ZFP64: variants seen among roughly 807,000 people sequenced by gnomAD.
ZFP64 encodes zinc finger protein 64.
A neutral mutation model predicts 51.6 loss-of-function variants in ZFP64; 14 were observed. The ratio of observed to expected loss-of-function variants is 0.27; its 90% CI spans 0.18 to 0.42. The LOEUF is 0.42. Among genes scored for constraint, ZFP64 ranks in the 10% least tolerant of loss-of-function variants. ZFP64 has a pLI of 1.00. For missense variants in ZFP64, 754 were observed against 906.8 expected (o/e 0.83, Z 2.16); for synonymous variants, 375 against 361.4 (o/e 1.04, Z -0.43).
At chr20:52,098,598 G>T (rs369415487) in intron 5 of ZFP64, 1 of 1,613,948 alleles carries the variant, frequency 6.2e-7, no homozygotes, top group East Asian at 2.2e-5. Flanking sequence ...CTGAAATTGA[G>T]GCATAGTTTT....
intron 5 of ZFP64, among the ~76,000 whole-genome samples, chr20:52,128,438 C>G (rs1018382212): frequency 6.6e-6 from 1 of 152,110 alleles, no homozygotes; most frequent in Non-Finnish European, 1.5e-5. Context: ...GAATTTGAGA[C>G]CATTATCTAG....
At chr20:52,114,452 A>G (rs1978759708) in intron 5 of ZFP64, among the ~76,000 whole-genome samples, 2 of 152,206 alleles carry the variant, frequency 1.3e-5, no homozygotes. Context: ...GTACAGAGGA[A>G]TCACCCGGGG....
intron 5 of ZFP64, among the ~76,000 whole-genome samples, chr20:52,098,942 C>A (rs2079021655): frequency 6.9e-6 from 1 of 145,820 alleles, no homozygotes; most frequent in African/African-American, 2.6e-5. Context: ...GCAGAGGTTG[C>A]AGTGAGCCGA....
intron 5 of ZFP64, among the ~76,000 whole-genome samples, chr20:52,120,487 C>A (rs6021713): frequency 0.46 from 69,368 of 151,810 alleles, 16,488 homozygotes; most frequent in Admixed American, 0.52. Context: ...GTCACAGACA[C>A]TGTGTGTTTT....
intron 2 of ZFP64, among the ~76,000 whole-genome samples, chr20:52,182,656 CT>C (rs1275039745): frequency 6.6e-6 from 1 of 152,110 alleles, no homozygotes; most frequent in Non-Finnish European, 1.5e-5. Flanking sequence ...AAGATCAAGG[CT>C]GCAGTGAGCC....
chr20:52,179,523 G>A (rs1428709456), intron 2 of ZFP64, among the ~76,000 whole-genome samples: 5 of 152,222 alleles, frequency 3.3e-5, no homozygotes, highest in Non-Finnish European at 5.9e-5. Flanking sequence ...AAATAAGACT[G>A]ATTAGGTCTC....
intron 3 of ZFP64, 124 bp downstream of exon 3, chr20:52,165,740 G>A: frequency 1.5e-6 from 2 of 1,340,896 alleles, no homozygotes; most frequent in Middle Eastern, 2.0e-4. Flanking sequence ...AGGGGGCTCT[G>A]ATTTTTATGC....
chr20:52,175,727 C>G (rs1181122839), intron 2 of ZFP64, among the ~76,000 whole-genome samples: 1 of 152,048 alleles, frequency 6.6e-6, no homozygotes, highest in Non-Finnish European at 1.5e-5. Context: ...GCCTGGAATC[C>G]CAGGCACGTG....
At chr20:52,090,855 AC>A in intron 7 of ZFP64, among the ~76,000 whole-genome samples, 1 of 134,010 alleles carries the variant, frequency 7.5e-6, no homozygotes, top group South Asian at 2.4e-4. Flanking sequence ...TAATCCCAAC[AC>A]TTTTGAGAGG....
At chr20:52,130,354 C>T (rs1191676382) in intron 5 of ZFP64, among the ~76,000 whole-genome samples, 1 of 152,152 alleles carries the variant, frequency 6.6e-6, no homozygotes, top group African/African-American at 2.4e-5. Context: ...GCTGAGACTA[C>T]AGGAATGTTC....
intron 5 of ZFP64, among the ~76,000 whole-genome samples, chr20:52,120,632 T>TA (rs1325867716): frequency 6.9e-6 from 1 of 143,886 alleles, no homozygotes; most frequent in Non-Finnish European, 1.5e-5. Flanking sequence ...TTTCAAACTT[T>TA]ATCATTTATT....
chr20:52,098,377 T>C (rs1387096158), intron 6 of ZFP64: 32 of 1,593,354 alleles, frequency 2.0e-5, no homozygotes, highest in Middle Eastern at 2.1e-4. Context: ...GAGATTCACG[T>C]AGGGCTTGCA....
At chr20:52,149,418 A>G (rs1980683583), downstream of ZFP64, among the ~76,000 whole-genome samples, 1 of 152,236 alleles carries the variant, frequency 6.6e-6, no homozygotes, top group Non-Finnish European at 1.5e-5. Context: ...TAAAAAAACT[A>G]GGTCTAGTTT....
intron 7 of ZFP64, among the ~76,000 whole-genome samples, chr20:52,092,269 G>C (rs1285864913): frequency 6.6e-6 from 1 of 152,196 alleles, no homozygotes. Flanking sequence ...CCTCTGCATT[G>C]TAAGATGTTT....
Position 52,098,458 on chromosome 20 carries a change from G to A in ZFP64, c.893C>T (p.Thr298Met), listed in dbSNP as rs752950607. Residue 298 changes from threonine (T) to methionine (M), a missense_variant, in exon 6 of 9, where the codon ACG (threonine) becomes ATG (methionine). Physicochemically the swap from Thr to Met is moderately conservative, Grantham distance 81. Coordinates refer to the ZFP64 transcript ENST00000361387. ...CTTACCTGGGTAGCAACAGTTGAAC[G>A]TCCTCTCTCCAAGGGTGGCCATTTG... is the stretch of plus-strand genomic sequence containing the variant. 1.2e-4 allele frequency: 192 copies of A among 1,614,024 alleles called. No homozygotes were observed. Among genetic ancestry groups the A allele is most frequent in the East Asian group, 3.3e-4 (15 of 44,872 alleles).
chr20:52,186,601 CTG>C (rs919535859), intron 2 of ZFP64, among the ~76,000 whole-genome samples: 7 of 148,552 alleles, frequency 4.7e-5, no homozygotes, highest in African/African-American at 1.7e-4. Flanking sequence ...TCTTTTTTGT[CTG>C]TTTTTTTTGT....
chr20:52,094,508 C>T (rs1351193477), intron 7 of ZFP64, among the ~76,000 whole-genome samples: 1 of 152,198 alleles, frequency 6.6e-6, no homozygotes, highest in Non-Finnish European at 1.5e-5. Context: ...CGCCTGTAAT[C>T]CCAGCACTTT....
intron 2 of ZFP64, among the ~76,000 whole-genome samples, chr20:52,169,045 G>C (rs1057484582): frequency 1.3e-5 from 2 of 152,266 alleles, no homozygotes; most frequent in African/African-American, 4.8e-5. Flanking sequence ...ATAAGTTCAG[G>C]TTTGATCATT....
At chr20:52,123,202 G>A (rs189158616) in intron 5 of ZFP64, among the ~76,000 whole-genome samples, 2 of 152,210 alleles carry the variant, frequency 1.3e-5, no homozygotes, top group African/African-American at 4.8e-5. Flanking sequence ...TGTTAGCCAG[G>A]CGAACATGTT....
Sources: allele counts gnomAD v4.1 joint callset (sites outside exome capture counted in the v4.1 genomes callset), GRCh38; gene constraint gnomAD v4.1.1; transcripts MANE v1.5; gene names NCBI Gene and HGNC (gene_info 2026-07-23, HGNC 2026-07-21).